PDE7B: variants seen among roughly 807,000 people sequenced by gnomAD.
PDE7B encodes phosphodiesterase 7B, also known as 3',5'-cyclic-AMP phosphodiesterase 7B.
Under a neutral mutation model 56.2 loss-of-function variants are expected in PDE7B, and 29 were observed. That is an observed-to-expected ratio of 0.52 (90% CI 0.38 to 0.70). The LOEUF (loss-of-function observed/expected upper bound fraction) is 0.70. PDE7B is among the 30% of genes least tolerant of loss of function. The pLI, the probability that PDE7B is intolerant of heterozygous loss-of-function variation, is 0.00. For missense variants in PDE7B, 490 were observed against 565.0 expected, an observed-to-expected ratio of 0.87 and a Z score of 1.35; for synonymous variants, 197 against 196.9, an observed-to-expected ratio of 1.00 and a Z score of 0.00.
intron 2 of PDE7B, among the ~76,000 whole-genome samples, chr6:136,001,075 T>C (rs113734592): frequency 3.3e-5 from 5 of 152,354 alleles, no homozygotes; most frequent in African/African-American, 2.4e-5. Flanking sequence ...CCGCTGCTGA[T>C]ATCCAGGCAA....
intron 2 of PDE7B, among the ~76,000 whole-genome samples, chr6:136,027,155 C>G (rs1776166920): frequency 6.6e-6 from 1 of 152,168 alleles, no homozygotes; most frequent in African/African-American, 2.4e-5. Flanking sequence ...ACTTCCCAGC[C>G]TCTGGAACTG....
intron 2 of PDE7B, among the ~76,000 whole-genome samples, chr6:136,079,790 C>T (rs1777178805): frequency 6.6e-6 from 1 of 151,686 alleles, no homozygotes; most frequent in South Asian, 2.1e-4. Context: ...GGTATGGCTT[C>T]CAGCTATTCT....
intron 2 of PDE7B, among the ~76,000 whole-genome samples, chr6:135,959,180 A>T (rs1774853873): frequency 6.6e-6 from 1 of 152,176 alleles, no homozygotes; most frequent in Admixed American, 6.5e-5. Flanking sequence ...CAAGGACCTG[A>T]CATTCTGAAA....
Position 135,995,128 on chromosome 6 carries a change from C to T in PDE7B, c.82+47604C>T, listed in dbSNP as rs184490341. Among the ~76,000 whole-genome samples the T allele has an allele frequency of 1.4e-4, 22 of 152,220 alleles. No individual in the cohort carries two copies. The East Asian group carries it at 2.5e-3, about 17-fold the overall frequency. ...CATGCTGCCCTGGGACCCTTTGGCC[C>T]GGGCCTTTGGTCACACAAATCCTAC... is the stretch of plus-strand genomic sequence containing the variant. On this transcript the variant is annotated intron_variant, in intron 2 of 12. Coordinates refer to ENST00000308191, the MANE Select transcript of PDE7B (RefSeq NM_018945.4).
rs1246405806 is a variant in PDE7B at position 136,150,891 on chromosome 6, C to T, written c.383-269C>T. On this transcript the variant is annotated intron_variant, in intron 5 of 12. Transcript: ENST00000308191. The stretch of plus-strand genomic sequence containing the variant: ...TGTGTATGTGTATGTATCCCTGACA[C>T]CTCAGTAGGCAGATTCTTTCTAACT... 4.5e-5 allele frequency among the ~76,000 whole-genome samples: 6 copies of T among 132,974 alleles called. No individual in the cohort carries two copies. The East Asian group carries it at 1.2e-3, about 26-fold the overall frequency. The allele number at this position is 132,974 out of a possible 152,430, so 87.2% of individuals were successfully genotyped here. A position where few individuals can be genotyped will look rare whatever the true frequency, so the allele number is the denominator to read the frequency against.
At chr6:135,956,771 G>C (rs574344356) in intron 2 of PDE7B, among the ~76,000 whole-genome samples, 28 of 151,074 alleles carry the variant, frequency 1.9e-4, no homozygotes, top group African/African-American at 6.1e-4. Flanking sequence ...GACAGAGCAA[G>C]ACCCTCTCAA....
chr6:136,008,361 G>A (rs1178788567), intron 2 of PDE7B, among the ~76,000 whole-genome samples: 1 of 152,216 alleles, frequency 6.6e-6, no homozygotes, highest in African/African-American at 2.4e-5. Flanking sequence ...TAATGGGATT[G>A]CTGGGTCAAA....
intron 1 of PDE7B, among the ~76,000 whole-genome samples, chr6:135,864,547 TTGA>T (rs1448015585): frequency 2.6e-5 from 4 of 152,164 alleles, no homozygotes; most frequent in Non-Finnish European, 5.9e-5. Flanking sequence ...ATTGTTTCTG[TTGA>T]TAAGTCAGAA....
intron 2 of PDE7B, chr6:136,037,909 G>A (rs1205951220): frequency 2.0e-5 from 23 of 1,173,114 alleles, no homozygotes; most frequent in Admixed American, 7.4e-5. Context: ...CCCTGCTGTC[G>A]TTCCAGCTGT....
chr6:135,902,377 C>A (rs1776019266), intron 1 of PDE7B, among the ~76,000 whole-genome samples: 2 of 150,638 alleles, frequency 1.3e-5, no homozygotes, highest in Non-Finnish European at 2.9e-5. Flanking sequence ...AAAATGATTG[C>A]TCTCAACTCA....
At chr6:135,929,253 T>G (rs1562443197) in intron 1 of PDE7B, among the ~76,000 whole-genome samples, 2 of 152,198 alleles carry the variant, frequency 1.3e-5, no homozygotes, top group Non-Finnish European at 2.9e-5. Flanking sequence ...CATCATATTT[T>G]TTTTTTACAA....
At chr6:136,007,174 C>A (rs1775799941) in intron 2 of PDE7B, among the ~76,000 whole-genome samples, 1 of 151,986 alleles carries the variant, frequency 6.6e-6, no homozygotes, top group Admixed American at 6.6e-5. Context: ...AGTCATGTGG[C>A]TTTTGTCTTT....
At chr6:136,139,496 G>T (rs1176281288) in intron 3 of PDE7B, among the ~76,000 whole-genome samples, 3 of 152,110 alleles carry the variant, frequency 2.0e-5, no homozygotes, top group Non-Finnish European at 4.4e-5. Context: ...GTAATGGGAT[G>T]GCTGGGTCAA....
chr6:136,041,954 T>C (rs996695051), intron 2 of PDE7B, among the ~76,000 whole-genome samples: 19 of 152,188 alleles, frequency 1.2e-4, no homozygotes, highest in Non-Finnish European at 2.9e-5. Flanking sequence ...TGCTGGGTAA[T>C]AGAAATTTAA....
intron 2 of PDE7B, among the ~76,000 whole-genome samples, chr6:136,017,476 T>A (rs982790379): frequency 2.7e-5 from 4 of 149,852 alleles, no homozygotes; most frequent in Non-Finnish European, 6.0e-5. Context: ...TATCTCCTAA[T>A]GCTATCCCTC....
At chr6:135,906,827 T>TTTTTTTTTTTTTGTTTTTTTTTTTTTG (rs1554265693) in intron 1 of PDE7B, among the ~76,000 whole-genome samples, 7 of 133,452 alleles carry the variant, frequency 5.2e-5, no homozygotes, top group South Asian at 5.4e-4. Context: ...TTTTTTTTTT[T>TTTTTTTTTTTTTGTTTTTTTTTTTTTG]TTTTTTTTTA....
chr6:136,041,983 C>CT (rs987774547), intron 2 of PDE7B, among the ~76,000 whole-genome samples: 33 of 152,126 alleles, frequency 2.2e-4, no homozygotes, highest in African/African-American at 7.7e-4. Flanking sequence ...CAAGACATGG[C>CT]TTTATTGATT....
chr6:136,074,941 C>A (rs1023039047), intron 2 of PDE7B, among the ~76,000 whole-genome samples: 7 of 152,054 alleles, frequency 4.6e-5, no homozygotes, highest in Non-Finnish European at 5.9e-5. Context: ...TGAATATATA[C>A]CTAGAAGTGA....
rs936744457 is a variant in PDE7B, at chr6:136,179,205, G to T, written c.948+64G>T. ...AAAACACTCAGCTGGGCTGGGTGTG[G>T]TGGCTCACATCTGTAGTCCCAGCTA... On this transcript the variant is annotated intron_variant, in intron 10 of 12. Coordinates refer to ENST00000308191, the MANE Select transcript of PDE7B (RefSeq NM_018945.4). 1.1e-5 allele frequency: 16 copies of T among 1,467,604 alleles called. No homozygotes were observed. In the African/African-American group the frequency reaches 1.5e-4, roughly 14 times the overall value. The allele number at this position is 1,467,604 out of a possible 1,614,324, so 90.9% of individuals were successfully genotyped here. A position where few individuals can be genotyped will look rare whatever the true frequency, so the allele number is the denominator to read the frequency against.
Sources: gnomAD v4.1 joint callset for allele counts (sites outside exome capture counted in the v4.1 genomes callset) on GRCh38, gnomAD v4.1.1 for gene constraint, MANE v1.5 for transcripts, NCBI Gene and HGNC (gene_info 2026-07-23, HGNC 2026-07-21) for gene names.